PDGFD: variants seen among roughly 807,000 people sequenced by gnomAD.
The protein encoded by PDGFD is platelet derived growth factor D.
A neutral mutation model predicts 44.7 loss-of-function variants in PDGFD; 30 were observed. The observed-to-expected ratio is 0.67, with a 90% CI of 0.50 to 0.91. PDGFD has a LOEUF of 0.91. PDGFD is among the 40% of genes least tolerant of loss of function. PDGFD has a pLI of 0.00. For missense variants in PDGFD, 445 were observed against 457.8 expected, an observed-to-expected ratio of 0.97 and a Z score of 0.25; for synonymous variants, 173 against 168.4, an observed-to-expected ratio of 1.03 and a Z score of -0.21.
At chr11:104,078,603 G>A (rs1292097715) in intron 1 of PDGFD, among the ~76,000 whole-genome samples, 2 of 52,922 alleles carry the variant, frequency 3.8e-5, no homozygotes, top group Non-Finnish European at 6.3e-5. Context: ...TGTTTCATGT[G>A]ATTTAGTTCC....
intron 5 of PDGFD, among the ~76,000 whole-genome samples, chr11:103,929,684 G>C (rs1410801997): frequency 6.6e-6 from 1 of 152,162 alleles, no homozygotes; most frequent in Non-Finnish European, 1.5e-5. Context: ...AATCACCGAG[G>C]CACTCAATTT....
chr11:104,138,443 A>C (rs1210440876), intron 1 of PDGFD, among the ~76,000 whole-genome samples: 4 of 152,218 alleles, frequency 2.6e-5, no homozygotes, highest in Non-Finnish European at 5.9e-5. Flanking sequence ...ATGATTCTCC[A>C]TTCAGTTAAA....
chr11:104,112,710 T>C (rs11226170), intron 1 of PDGFD, among the ~76,000 whole-genome samples: 5,999 of 152,230 alleles, frequency 0.039, 298 homozygotes, highest in East Asian at 0.27. Flanking sequence ...AATGAGATCA[T>C]GTCCTTTGCA....
At chr11:104,109,021 A>G (rs1861509193) in intron 1 of PDGFD, among the ~76,000 whole-genome samples, 1 of 137,180 alleles carries the variant, frequency 7.3e-6, no homozygotes, top group Non-Finnish European at 1.6e-5. Context: ...TGGACACAGG[A>G]AGGGGGACAT....
chr11:104,010,134 T>C (rs935330291), intron 1 of PDGFD, among the ~76,000 whole-genome samples: 3 of 152,090 alleles, frequency 2.0e-5, no homozygotes, highest in Non-Finnish European at 4.4e-5. Context: ...ACAAAACTTT[T>C]CTGTTTATAA....
intron 1 of PDGFD, among the ~76,000 whole-genome samples, chr11:104,101,917 A>G (rs2134445775): frequency 6.6e-6 from 1 of 152,246 alleles, no homozygotes; most frequent in East Asian, 1.9e-4. Flanking sequence ...ACCTTATACA[A>G]AAATTAATTC....
At chr11:104,001,465 T>C (rs61904889) in intron 1 of PDGFD, among the ~76,000 whole-genome samples, 7,364 of 151,780 alleles carry the variant, frequency 0.049, 242 homozygotes, top group Middle Eastern at 0.11. Context: ...TGGGGGTTTA[T>C]AGGGACTCCC....
At chr11:104,017,348 G>A (rs896246345) in intron 1 of PDGFD, among the ~76,000 whole-genome samples, 9 of 151,320 alleles carry the variant, frequency 5.9e-5, no homozygotes, top group Non-Finnish European at 1.2e-4. Flanking sequence ...GTGTTTTTCC[G>A]TTTTTTTTGT....
At chr11:103,950,579 T>A (rs1858739753) in intron 3 of PDGFD, among the ~76,000 whole-genome samples, 1 of 151,056 alleles carries the variant, frequency 6.6e-6, no homozygotes, top group Non-Finnish European at 1.5e-5. Flanking sequence ...AAAAAATAAA[T>A]AAATAAATAA....
chr11:104,147,530 C>T (rs150526778), intron 1 of PDGFD, among the ~76,000 whole-genome samples: 6 of 152,212 alleles, frequency 3.9e-5, no homozygotes, highest in African/African-American at 1.4e-4. Context: ...ATTTATATTG[C>T]TGTAATATTT....
At chr11:104,012,651 T>C (rs987544726) in intron 1 of PDGFD, among the ~76,000 whole-genome samples, 3 of 152,134 alleles carry the variant, frequency 2.0e-5, no homozygotes, top group South Asian at 2.1e-4. Flanking sequence ...TCCAGTGGAG[T>C]AGCATTAGTT....
intron 5 of PDGFD, among the ~76,000 whole-genome samples, chr11:103,931,742 T>C (rs1043025250): frequency 5.3e-5 from 8 of 152,138 alleles, no homozygotes; most frequent in Admixed American, 5.2e-4. Context: ...GTGTGCCACA[T>C]GCCCAGCTAA....
intron 1 of PDGFD, among the ~76,000 whole-genome samples, chr11:104,070,191 C>A (rs1163116920): frequency 1.3e-5 from 2 of 152,154 alleles, no homozygotes; most frequent in African/African-American, 4.8e-5. Flanking sequence ...GCTTTTTGGT[C>A]ATTTTATCAG....
intron 1 of PDGFD, among the ~76,000 whole-genome samples, chr11:104,070,500 C>A (rs1860858027): frequency 6.6e-6 from 1 of 152,162 alleles, no homozygotes; most frequent in Non-Finnish European, 1.5e-5. Context: ...CTGACCCAAG[C>A]CTCTAAAATA....
intron 1 of PDGFD, among the ~76,000 whole-genome samples, chr11:104,154,717 G>C (rs538051750): frequency 2.0e-5 from 3 of 152,160 alleles, no homozygotes; most frequent in Non-Finnish European, 4.4e-5. Context: ...TAGGTTAAAG[G>C]AATTATAAAA....
chr11:104,093,010 G>A (rs1004045348), intron 1 of PDGFD, among the ~76,000 whole-genome samples: 29 of 152,146 alleles, frequency 1.9e-4, no homozygotes, highest in Admixed American at 1.9e-3. Flanking sequence ...TTATAAAGCA[G>A]CTAGAGTTTG....
At chr11:104,157,729 T>C (rs561210615) in intron 1 of PDGFD, among the ~76,000 whole-genome samples, 3 of 152,212 alleles carry the variant, frequency 2.0e-5, no homozygotes, top group East Asian at 3.8e-4. Context: ...ATATACAATA[T>C]GATTACTATA....
chr11:103,929,068 C>A (rs181372300), intron 5 of PDGFD, among the ~76,000 whole-genome samples: 11 of 152,304 alleles, frequency 7.2e-5, no homozygotes, highest in African/African-American at 2.6e-4. Context: ...GGACAGGACG[C>A]AAGCGGCAAC....
At chr11:104,147,667 T>C (rs1034888032) in intron 1 of PDGFD, among the ~76,000 whole-genome samples, 2 of 152,160 alleles carry the variant, frequency 1.3e-5, no homozygotes, top group African/African-American at 4.8e-5. Flanking sequence ...TGCTGTCCAA[T>C]GGCTCCAAAT....
Sources: gnomAD v4.1 joint callset for allele counts (sites outside exome capture counted in the v4.1 genomes callset) on GRCh38, gnomAD v4.1.1 for gene constraint, MANE v1.5 for transcripts, NCBI Gene and HGNC (gene_info 2026-07-23, HGNC 2026-07-21) for gene names.